The following MTA3 variants were observed in gnomAD, a reference collection of about 807,000 sequenced individuals.
The protein encoded by MTA3 is metastasis associated 1 family member 3.
MTA3 carries 34 observed loss-of-function variants against 83.5 expected under a neutral mutation model. The ratio of observed to expected loss-of-function variants is 0.41; its 90% confidence interval spans 0.31 to 0.54. The LOEUF is 0.54. Among genes scored for constraint, MTA3 ranks in the 20% least tolerant of loss-of-function variants. MTA3 has a pLI of 0.33. For synonymous variants in MTA3, 303 were observed against 252.7 expected, an observed-to-expected ratio of 1.20 and a Z score of -1.89; for missense variants, 761 against 726.4, an observed-to-expected ratio of 1.05 and a Z score of -0.55.
At position 42,514,513 on chromosome 2, in the gene MTA3, G is replaced by A. The variant is rs1166316189; in HGVS notation, c.-141+19259G>A. 5.3e-5 allele frequency among the ~76,000 whole-genome samples: 8 copies of A among 150,648 alleles called. No homozygotes were observed. In the East Asian group the frequency reaches 1.2e-3, roughly 22 times the overall value. On this transcript the variant is annotated intron_variant, in intron 2 of 17. Coordinates refer to the MTA3 transcript ENST00000405592. ...ATTATCCTGCCTCAGCCTCCTGAGT[G>A]GCTGGGATTACAGGCGCCCACCACC...
intron 4 of MTA3, among the ~76,000 whole-genome samples, chr2:42,630,662 G>GT (rs1332891280): frequency 6.6e-6 from 1 of 151,872 alleles, no homozygotes; most frequent in African/African-American, 2.4e-5. Context: ...TGGATTTTTG[G>GT]TTTTTTTAGT....
At chr2:42,674,702 G>A (rs1275645729) in intron 8 of MTA3, among the ~76,000 whole-genome samples, 1 of 150,838 alleles carries the variant, frequency 6.6e-6, no homozygotes, top group Non-Finnish European at 1.5e-5. Context: ...GAGTTCAAGG[G>A]ATTCTCCTGC....
At chr2:42,609,917 G>A (rs994145591) in intron 4 of MTA3, among the ~76,000 whole-genome samples, 7 of 152,068 alleles carry the variant, frequency 4.6e-5, no homozygotes, top group East Asian at 1.9e-4. Context: ...TGGCCAACAC[G>A]GTGAAACCCC....
intron 14 of MTA3, chr2:42,712,607 A>T: frequency 6.6e-6 from 1 of 152,244 alleles, no homozygotes; most frequent in East Asian, 1.9e-4. Context: ...TGCCTGAGCC[A>T]GTTCTACCAC....
chr2:42,527,034 C>G (rs757645338), intron 2 of MTA3, among the ~76,000 whole-genome samples: 26 of 81,446 alleles, frequency 3.2e-4, no homozygotes, highest in Non-Finnish European at 4.8e-4. Context: ...AGCCTGATAA[C>G]AAAGCAAGAC....
intron 2 of MTA3, among the ~76,000 whole-genome samples, chr2:42,500,385 T>G (rs1435529707): frequency 6.6e-6 from 1 of 151,354 alleles, no homozygotes; most frequent in East Asian, 1.9e-4. Flanking sequence ...GGTGACAGAG[T>G]GAGATTCCAT....
At chr2:42,661,109 T>C (rs1434742194) in intron 8 of MTA3, among the ~76,000 whole-genome samples, 1 of 152,252 alleles carries the variant, frequency 6.6e-6, no homozygotes, top group African/African-American at 2.4e-5. Flanking sequence ...GTTTTCTCCA[T>C]TGGGACATTA....
At chr2:42,564,386 C>T (rs1677814871), upstream of MTA3, among the ~76,000 whole-genome samples, 1 of 152,128 alleles carries the variant, frequency 6.6e-6, no homozygotes, top group African/African-American at 2.4e-5. Context: ...GTTTTTTGCA[C>T]AGGAGATCTA....
In MTA3 at chr2:42,609,489, T is replaced by G. The variant is rs1431322049; in HGVS notation, c.222T>G (p.Val74=). 3 of 1,613,906 alleles carry G rather than the reference T, an allele frequency of 1.9e-6. No individual in the cohort carries two copies. The highest frequency in any genetic ancestry group is 1.7e-5 in the Admixed American group (1 of 60,014). The change falls in exon 4 of 17, where the codon GTT becomes GTG. Residue 74 remains valine, a synonymous_variant. Coordinates refer to ENST00000405094, the MANE Select transcript of MTA3 (RefSeq NM_001330442.2). ...TTGAGGAAGAATCTGAAACAACAGTTGAGGCTGACTTGACCGATAAGCAGA... is the reference window on the plus strand; with the variant it reads ...TTGAGGAAGAATCTGAAACAACAGTGGAGGCTGACTTGACCGATAAGCAGA... The part of the protein sequence containing the change: ...KEIEEESETT[V]EADLTDKQKH...
At chr2:42,721,225 A>T (rs1399127153) in intron 15 of MTA3, among the ~76,000 whole-genome samples, 1 of 152,072 alleles carries the variant, frequency 6.6e-6, no homozygotes, top group African/African-American at 2.4e-5. Context: ...TGGGGAAAGC[A>T]AGCAGGTAAG....
At chr2:42,722,633 TTTTTG>T (rs1667505576) in intron 15 of MTA3, among the ~76,000 whole-genome samples, 1 of 152,128 alleles carries the variant, frequency 6.6e-6, no homozygotes, top group Non-Finnish European at 1.5e-5. Flanking sequence ...CTGAAGTGGC[TTTTTG>T]TTTTGTTTTT....
intron 14 of MTA3, among the ~76,000 whole-genome samples, chr2:42,715,552 A>G (rs994323524): frequency 5.3e-5 from 8 of 151,910 alleles, no homozygotes; most frequent in Non-Finnish European, 1.0e-4. Flanking sequence ...CTTTCTATAA[A>G]ATATTATGAG....
At chr2:42,735,645 G>C (rs1475708485) in intron 16 of MTA3, among the ~76,000 whole-genome samples, 1 of 151,922 alleles carries the variant, frequency 6.6e-6, no homozygotes, top group Non-Finnish European at 1.5e-5. Flanking sequence ...GTGCTTCATT[G>C]CTTTTTATTC....
At chr2:42,538,432 G>C (rs1676354652) in intron 2 of MTA3, among the ~76,000 whole-genome samples, 1 of 151,922 alleles carries the variant, frequency 6.6e-6, no homozygotes, top group Non-Finnish European at 1.5e-5. Flanking sequence ...GTTAGGCCGG[G>C]TGCGGTGGCT....
At chr2:42,638,854 A>G (rs1433094766) in intron 4 of MTA3, among the ~76,000 whole-genome samples, 1 of 151,304 alleles carries the variant, frequency 6.6e-6, no homozygotes. Flanking sequence ...TTTCTAACCT[A>G]CAGTGATCAC....
chr2:42,727,764 G>GTTAC (rs1667932588), intron 16 of MTA3, among the ~76,000 whole-genome samples: 3 of 151,974 alleles, frequency 2.0e-5, no homozygotes, highest in African/African-American at 7.3e-5. Context: ...TTGCCTTACA[G>GTTAC]AATTGATCTT....
intron 3 of MTA3, among the ~76,000 whole-genome samples, chr2:42,606,376 T>C (rs1243114932): frequency 7.2e-6 from 1 of 138,808 alleles, no homozygotes; most frequent in Non-Finnish European, 1.5e-5. Context: ...GCTCCTCACT[T>C]CTCAGACGGG....
intron 16 of MTA3, among the ~76,000 whole-genome samples, chr2:42,737,394 C>T (rs1439520289): frequency 6.6e-6 from 1 of 152,180 alleles, no homozygotes; most frequent in Non-Finnish European, 1.5e-5. Context: ...TATTGCTTTC[C>T]ACTGTGTCAG....
chr2:42,609,498 C>G lies in MTA3; in HGVS notation c.231C>G (p.Asp77Glu). 3 of 1,613,854 alleles carry G rather than the reference C, an allele frequency of 1.9e-6. No homozygotes were observed. Among genetic ancestry groups the G allele is most frequent in the Non-Finnish European group, 2.5e-6 (3 of 1,179,816 alleles). ...AATCTGAAACAACAGTTGAGGCTGA[C>G]TTGACCGATAAGCAGAAACATCAGT... ...EEESETTVEADLTDKQKHQLK... is the reference protein window; with the variant it reads ...EEESETTVEAELTDKQKHQLK... The change falls in exon 4 of 17, where the codon GAC (aspartate) becomes GAG (glutamate). Residue 77 changes from aspartate to glutamate, a missense_variant. By Grantham distance (45) the Asp-to-Glu change is conservative (BLOSUM62 2). Transcript: ENST00000405094.
Sources: gnomAD v4.1 joint callset for allele counts (sites outside exome capture counted in the v4.1 genomes callset) on GRCh38, gnomAD v4.1.1 for gene constraint, MANE v1.5 for transcripts, NCBI Gene and HGNC (gene_info 2026-07-23, HGNC 2026-07-21) for gene names.